Variants in KPNA3 observed in about 807,000 individuals in gnomAD.
The protein encoded by KPNA3 is importin subunit alpha-4.
Under a neutral mutation model 73.8 loss-of-function variants are expected in KPNA3, and 13 were observed. The ratio of observed to expected loss-of-function variants is 0.18; its 90% CI spans 0.11 to 0.28. KPNA3 has a LOEUF of 0.28. KPNA3 is among the 10% of genes least tolerant of loss of function. The pLI is 1.00. For synonymous variants in KPNA3, 186 were observed against 206.9 expected, an observed-to-expected ratio of 0.90 and a Z score of 0.87; for missense variants, 360 against 618.1, an observed-to-expected ratio of 0.58 and a Z score of 4.43.
rs1477607630 is a variant in KPNA3 at position 49,792,533 on chromosome 13, A to ACTCCTGCGGCTG, written c.-39_-28dup. 7.0e-7 allele frequency: 1 copy of ACTCCTGCGGCTG among 1,434,062 alleles called. No individual in the cohort carries two copies. Among genetic ancestry groups the ACTCCTGCGGCTG allele is most frequent in the Non-Finnish European group, 9.3e-7 (1 of 1,075,828 alleles). 88.8% of individuals were successfully genotyped at this position (1,434,062 alleles called of 1,614,324 possible). On this transcript the variant is annotated 5_prime_UTR_variant, in exon 1 of 17. Coordinates refer to ENST00000261667, the MANE Select transcript of KPNA3 (RefSeq NM_002267.4). ...GCTGCGCGCGGCTCCGGCGGCGGCT[A>ACTCCTGCGGCTG]CTCCTGCGGCTGCGGCGGCGGCGGC...
chr13:49,792,518 G>A lies in KPNA3; in HGVS notation c.-12C>T, dbSNP rs1955043858. ...GGGTTCTCGGCCATGGCTGCGCGCG[G>A]CTCCGGCGGCGGCTACTCCTGCGGC... On this transcript the variant is annotated 5_prime_UTR_variant, in exon 1 of 17. Transcript: ENST00000261667. 6.4e-7 allele frequency: 1 copy of A among 1,569,080 alleles called. No homozygotes were observed. The highest frequency in any genetic ancestry group is 8.6e-7 in the Non-Finnish European group (1 of 1,159,552).
chr13:49,728,401 C>G (rs1954431338), intron 6 of KPNA3, among the ~76,000 whole-genome samples: 1 of 152,152 alleles, frequency 6.6e-6, no homozygotes, highest in Non-Finnish European at 1.5e-5. Flanking sequence ...TTGATTGGTT[C>G]AGCTTACAAA....
At chr13:49,761,757 C>G (rs1289812622) in intron 1 of KPNA3, among the ~76,000 whole-genome samples, 1 of 150,656 alleles carries the variant, frequency 6.6e-6, no homozygotes, top group African/African-American at 2.5e-5. Flanking sequence ...AAGTGAGGAG[C>G]GCCTCTTCCC....
intron 2 of KPNA3, among the ~76,000 whole-genome samples, chr13:49,745,765 T>A (rs181758959): frequency 6.6e-6 from 1 of 152,002 alleles, no homozygotes; most frequent in African/African-American, 2.4e-5. Flanking sequence ...ATTTATTTTT[T>A]AAAAGATATA....
intron 10 of KPNA3, among the ~76,000 whole-genome samples, chr13:49,717,445 A>AAAG (rs1555304082): frequency 6.6e-6 from 1 of 151,098 alleles, no homozygotes; most frequent in Non-Finnish European, 1.5e-5. Context: ...AAAAAGAAAA[A>AAAG]AAAAAAAAAA....
rs903679182 is a variant in KPNA3 at position 49,700,644 on chromosome 13, C to T, written c.*1156G>A. 2.0e-5 allele frequency: 3 copies of T among 152,636 alleles called. No individual in the cohort carries two copies. Among genetic ancestry groups the T allele is most frequent in the African/African-American group, 7.2e-5 (3 of 41,450 alleles). 9.5% of individuals were successfully genotyped at this position (152,636 alleles called of 1,614,324 possible). ...AGGATCTGAATTAACTTTCCCAATA[C>T]TCAAAGAATGAACTCTTATGACACT... On this transcript the variant is annotated 3_prime_UTR_variant, in exon 17 of 17. Transcript: ENST00000261667.
chr13:49,703,430 T>C (rs1954170273), intron 15 of KPNA3, among the ~76,000 whole-genome samples: 1 of 152,020 alleles, frequency 6.6e-6, no homozygotes, highest in African/African-American at 2.4e-5. Flanking sequence ...TTCGCCCGCC[T>C]TGGCCTCCCA....
intron 6 of KPNA3, among the ~76,000 whole-genome samples, chr13:49,727,216 G>C (rs919185359): frequency 2.0e-5 from 3 of 152,246 alleles, no homozygotes; most frequent in African/African-American, 7.2e-5. Context: ...GGGAGGCCAA[G>C]GCAGATGGAT....
chr13:49,747,625 G>A (rs1229198068), intron 1 of KPNA3, among the ~76,000 whole-genome samples: 2 of 152,342 alleles, frequency 1.3e-5, no homozygotes, highest in South Asian at 4.1e-4. Flanking sequence ...GACGGAGGTT[G>A]AAGTGAGCTG....
intron 1 of KPNA3, among the ~76,000 whole-genome samples, chr13:49,771,710 G>A (rs985990009): frequency 2.0e-4 from 30 of 152,172 alleles, no homozygotes; most frequent in Admixed American, 6.5e-4. Flanking sequence ...GCTCATCATA[G>A]TAACACAATT....
At chr13:49,706,235 TAACA>T (rs776131587) in intron 13 of KPNA3, 29 bp downstream of exon 13, 1 of 1,610,084 alleles carries the variant, frequency 6.2e-7, no homozygotes, top group Non-Finnish European at 8.5e-7. Flanking sequence ...ATTAACAGAT[TAACA>T]GACACGGTGA....
chr13:49,711,125 A>G, intron 10 of KPNA3, 103 bp from the exon 11 acceptor site: 1 of 1,125,864 alleles, frequency 8.9e-7, no homozygotes, highest in Non-Finnish European at 1.2e-6. Context: ...CCAAATTTCA[A>G]GTTTTAGCTT....
At chr13:49,709,470 A>T in intron 12 of KPNA3, 102 bp downstream of exon 12, 1 of 921,308 alleles carries the variant, frequency 1.1e-6, no homozygotes, top group Non-Finnish European at 1.6e-6. Context: ...TCTTCGCTGC[A>T]GTGGCTTTTA....
At chr13:49,723,983 T>C (rs77352197) in intron 7 of KPNA3, among the ~76,000 whole-genome samples, 3,748 of 152,282 alleles carry the variant, frequency 0.025, 60 homozygotes, top group Non-Finnish European at 0.032. Context: ...CCATTAAATA[T>C]CTGCTTTCTG....
chr13:49,742,631 A>G (rs1401594182), intron 2 of KPNA3, among the ~76,000 whole-genome samples: 1 of 148,008 alleles, frequency 6.8e-6, no homozygotes, highest in Non-Finnish European at 1.5e-5. Flanking sequence ...TTTTTTTTCT[A>G]TTTCTGTGAA....
At chr13:49,729,931 T>C (rs1954446298) in intron 6 of KPNA3, among the ~76,000 whole-genome samples, 1 of 152,214 alleles carries the variant, frequency 6.6e-6, no homozygotes, top group African/African-American at 2.4e-5. Flanking sequence ...CGTGGATTTT[T>C]ATCAACAGCA....
At chr13:49,771,666 C>T (rs1425025890) in intron 1 of KPNA3, among the ~76,000 whole-genome samples, 1 of 152,078 alleles carries the variant, frequency 6.6e-6, no homozygotes, top group African/African-American at 2.4e-5. Flanking sequence ...CACTCTGTTG[C>T]TTATTTAGTC....
At chr13:49,785,830 GAGGGAAATGCAC>G (rs1954977913) in intron 1 of KPNA3, among the ~76,000 whole-genome samples, 1 of 152,146 alleles carries the variant, frequency 6.6e-6, no homozygotes, top group Admixed American at 6.5e-5. Context: ...TTAGGAAGAA[GAGGGAAATGCAC>G]AGGATGGATG....
At chr13:49,752,548 A>G (rs1351554658) in intron 1 of KPNA3, among the ~76,000 whole-genome samples, 3 of 150,200 alleles carry the variant, frequency 2.0e-5, no homozygotes, top group Admixed American at 6.6e-5. Flanking sequence ...AAATAACATT[A>G]TCAATCAGAA....
Sources: allele counts gnomAD v4.1 joint callset (sites outside exome capture counted in the v4.1 genomes callset), GRCh38; gene constraint gnomAD v4.1.1; transcripts MANE v1.5; gene names NCBI Gene and HGNC (gene_info 2026-07-23, HGNC 2026-07-21).